Variants in NOC3L observed in about 807,000 individuals in gnomAD.
The protein encoded by NOC3L is nucleolar complex protein 3 homolog.
Under a neutral mutation model 102.5 loss-of-function variants are expected in NOC3L, and 85 were observed. That is an observed-to-expected ratio of 0.83 (90% confidence interval 0.70 to 0.99). The LOEUF (loss-of-function observed/expected upper bound fraction) is 0.99. Ranked by LOEUF, NOC3L falls within the 50% of genes least tolerant of loss-of-function variation. The pLI, the probability that NOC3L is intolerant of heterozygous loss-of-function variation, is 0.00. For synonymous variants in NOC3L, 303 were observed against 309.4 expected (o/e 0.98, Z 0.22); for missense variants, 878 against 914.9 (o/e 0.96, Z 0.52).
At chr10:94,354,735 GAAT>G (rs1226985136) in intron 6 of NOC3L, among the ~76,000 whole-genome samples, 1 of 152,168 alleles carries the variant, frequency 6.6e-6, no homozygotes, top group Non-Finnish European at 1.5e-5. Flanking sequence ...AAGATGAGGA[GAAT>G]AAGATTCAGA....
intron 6 of NOC3L, 61 bp from the exon 7 acceptor site, chr10:94,353,118 A>G: frequency 1.4e-6 from 2 of 1,390,114 alleles, no homozygotes; most frequent in Non-Finnish European, 2.0e-6. Flanking sequence ...TGAACAAAAG[A>G]CAACAGCCCC....
downstream of NOC3L, chr10:94,333,209 T>C (rs2054179074): frequency 6.6e-6 from 1 of 152,022 alleles, no homozygotes; most frequent in African/African-American, 2.4e-5. Flanking sequence ...TTTCAAAAAA[T>C]TATCATATCA....
At chr10:94,346,587 G>T in intron 10 of NOC3L, 31 bp from the exon 11 acceptor site, 1 of 1,202,056 alleles carries the variant, frequency 8.3e-7, no homozygotes, top group South Asian at 1.7e-5. Flanking sequence ...CAAATATACA[G>T]CTTAATATTT....
chr10:94,361,378 G>C (rs1194234097), intron 2 of NOC3L: 3 of 389,076 alleles, frequency 7.7e-6, no homozygotes, highest in African/African-American at 6.2e-5. Flanking sequence ...CAATATTTAT[G>C]TAACGGAGTA....
At chr10:94,338,528 A>G (rs765831556) in intron 18 of NOC3L, 80 bp downstream of exon 18, 37 of 1,379,182 alleles carry the variant, frequency 2.7e-5, no homozygotes, top group East Asian at 4.9e-5. Flanking sequence ...TACTCTGGCA[A>G]TAACAACTAT....
At chr10:94,347,869 T>C (rs1057409345) in intron 10 of NOC3L, among the ~76,000 whole-genome samples, 2 of 152,028 alleles carry the variant, frequency 1.3e-5, no homozygotes, top group African/African-American at 4.8e-5. Context: ...TCAGATTCTC[T>C]GTGTGGACTA....
At chr10:94,341,622 A>T in intron 14 of NOC3L, 51 bp downstream of exon 14, 1 of 991,426 alleles carries the variant, frequency 1.0e-6, no homozygotes, top group Non-Finnish European at 1.4e-6. Context: ...AAAATTTTTA[A>T]AATAGTAATT....
the NOC3L span, among the ~76,000 whole-genome samples, chr10:94,320,879 A>G: frequency 1.3e-5 from 2 of 152,238 alleles, no homozygotes; most frequent in African/African-American, 4.8e-5. Context: ...GCAAATGTTT[A>G]AAAGGATGTA....
chr10:94,321,880 ATTT>A, the NOC3L span: 3 of 1,588,044 alleles, frequency 1.9e-6, no homozygotes, highest in Non-Finnish European at 2.6e-6. Context: ...ATTTACTCAC[ATTT>A]TTTCTTTTTA....
At chr10:94,337,036 T>C (rs1478309157) in intron 19 of NOC3L, among the ~76,000 whole-genome samples, 1 of 143,860 alleles carries the variant, frequency 7.0e-6, no homozygotes, top group African/African-American at 2.6e-5. Context: ...GCCATTGCAC[T>C]CCAGCCTGGA....
At chr10:94,354,510 A>G (rs1389060748) in intron 6 of NOC3L, among the ~76,000 whole-genome samples, 1 of 152,226 alleles carries the variant, frequency 6.6e-6, no homozygotes, top group Non-Finnish European at 1.5e-5. Flanking sequence ...ACATGGCACA[A>G]TAACACTTTA....
intron 3 of NOC3L, 97 bp from the exon 4 acceptor site, chr10:94,357,428 C>T (rs780218403): frequency 6.4e-5 from 68 of 1,061,022 alleles, no homozygotes; most frequent in Non-Finnish European, 8.3e-5. Context: ...CACCAGCCAA[C>T]TTTCAATAGG....
chr10:94,325,860 G>C, the NOC3L span, among the ~76,000 whole-genome samples: 8 of 152,084 alleles, frequency 5.3e-5, no homozygotes, highest in Admixed American at 4.6e-4. Flanking sequence ...TAGGTTTGAT[G>C]TAGCTTCAAC....
At chr10:94,324,283 T>C in the NOC3L span, 6 of 1,293,054 alleles carry the variant, frequency 4.6e-6, no homozygotes, top group African/African-American at 1.5e-5. Flanking sequence ...TAAAGTTTCA[T>C]ATAGAATGAA....
At chr10:94,352,085 T>C (rs1256736158) in intron 8 of NOC3L, among the ~76,000 whole-genome samples, 1 of 152,208 alleles carries the variant, frequency 6.6e-6, no homozygotes, top group Non-Finnish European at 1.5e-5. Flanking sequence ...ACTATAATTA[T>C]TTCCATTTTT....
downstream of NOC3L, chr10:94,328,423 A>AAAT (rs1313189788): frequency 2.6e-5 from 4 of 153,184 alleles, no homozygotes; most frequent in African/African-American, 9.6e-5. Context: ...CACATGTCAC[A>AAAT]AATACTCTTG....
At chr10:94,316,615 T>C in the NOC3L span, 1 of 1,608,544 alleles carries the variant, frequency 6.2e-7, no homozygotes, top group South Asian at 1.1e-5. Context: ...AAAAATATTT[T>C]ATATCTAAAG....
the NOC3L span, among the ~76,000 whole-genome samples, chr10:94,327,004 C>T: frequency 1.3e-5 from 2 of 151,438 alleles, no homozygotes; most frequent in Non-Finnish European, 2.9e-5. Flanking sequence ...ACTAAAAATA[C>T]AACAACAGTT....
chr10:94,361,307 C>T (rs2054548771), intron 2 of NOC3L: 1 of 211,312 alleles, frequency 4.7e-6, no homozygotes, highest in Admixed American at 5.3e-5. Flanking sequence ...CAGAGACAAG[C>T]AATGTTCTTA....
Sources: allele counts gnomAD v4.1 joint callset (sites outside exome capture counted in the v4.1 genomes callset), GRCh38; gene constraint gnomAD v4.1.1; transcripts MANE v1.5; gene names NCBI Gene and HGNC (gene_info 2026-07-23, HGNC 2026-07-21).